Variants in ACAP2 observed in about 807,000 individuals in gnomAD.
ACAP2 encodes the protein arf-GAP with coiled-coil, ANK repeat and PH domain-containing protein 2.
A neutral mutation model predicts 115.8 loss-of-function variants in ACAP2; 39 were observed. The observed-to-expected ratio is 0.34, with a 90% CI of 0.26 to 0.44. ACAP2 has a LOEUF of 0.44. Among genes scored for constraint, ACAP2 ranks in the 20% least tolerant of loss-of-function variants. The pLI is 1.00. For missense variants in ACAP2, 662 were observed against 927.6 expected (o/e 0.71, Z 3.72); for synonymous variants, 289 against 315.8 (o/e 0.92, Z 0.90).
At chr3:195,409,403 A>G (rs984021705) in intron 1 of ACAP2, among the ~76,000 whole-genome samples, 1 of 152,176 alleles carries the variant, frequency 6.6e-6, no homozygotes, top group Non-Finnish European at 1.5e-5. Context: ...AGGCTTGTAC[A>G]ATAGAAACTA....
At chr3:195,324,510 T>G (rs1029194908) in intron 9 of ACAP2, among the ~76,000 whole-genome samples, 2 of 152,004 alleles carry the variant, frequency 1.3e-5, no homozygotes, top group Non-Finnish European at 2.9e-5. Context: ...TCCGAGCACA[T>G]TGGGAGGCCG....
At chr3:195,338,402 C>T (rs1248519121) in intron 6 of ACAP2, among the ~76,000 whole-genome samples, 2 of 152,194 alleles carry the variant, frequency 1.3e-5, no homozygotes, top group Non-Finnish European at 2.9e-5. Flanking sequence ...ATCCTCCTGC[C>T]TTAGCCCCCA....
chr3:195,365,946 A>C (rs947651490), intron 4 of ACAP2, among the ~76,000 whole-genome samples: 21 of 151,790 alleles, frequency 1.4e-4, no homozygotes, highest in African/African-American at 4.8e-4. Flanking sequence ...GGTTCAAGCA[A>C]TTCTCCTACC....
At chr3:195,289,837 T>C (rs1006606761) in intron 20 of ACAP2, among the ~76,000 whole-genome samples, 7 of 144,832 alleles carry the variant, frequency 4.8e-5, no homozygotes, top group Non-Finnish European at 7.6e-5. Context: ...CATAAAAACA[T>C]GTGCACAGGT....
chr3:195,287,825 C>A (rs542656567), intron 21 of ACAP2, among the ~76,000 whole-genome samples: 1 of 152,072 alleles, frequency 6.6e-6, no homozygotes, highest in South Asian at 2.1e-4. Flanking sequence ...CCATTTTAGC[C>A]GGGCACGGTG....
chr3:195,295,281 G>A (rs1560210723), intron 17 of ACAP2: 4 of 1,291,880 alleles, frequency 3.1e-6, no homozygotes, highest in Non-Finnish European at 3.0e-6. Context: ...GCCTGGCCTC[G>A]TCGCTATTTA....
chr3:195,310,548 T>C (rs1728698448), intron 10 of ACAP2, among the ~76,000 whole-genome samples: 1 of 152,236 alleles, frequency 6.6e-6, no homozygotes, highest in Admixed American at 6.5e-5. Flanking sequence ...ATCATTTGTT[T>C]TATATCATAG....
intron 4 of ACAP2, among the ~76,000 whole-genome samples, chr3:195,362,341 C>T (rs925434470): frequency 2.0e-5 from 3 of 151,306 alleles, no homozygotes; most frequent in African/African-American, 7.3e-5. Flanking sequence ...AAAAAATCTT[C>T]CAGCAAAGAA....
intron 4 of ACAP2, among the ~76,000 whole-genome samples, chr3:195,363,365 G>A (rs1416239165): frequency 4.6e-5 from 7 of 152,120 alleles, no homozygotes; most frequent in South Asian, 2.1e-4. Context: ...TGTCCAGGCC[G>A]GGCACGGTGG....
At chr3:195,338,002 T>TGA (rs1730626573) in intron 6 of ACAP2, among the ~76,000 whole-genome samples, 1 of 145,844 alleles carries the variant, frequency 6.9e-6, no homozygotes, top group African/African-American at 2.5e-5. Context: ...CACTGGCTGT[T>TGA]CTGTGCACAC....
intron 18 of ACAP2, among the ~76,000 whole-genome samples, chr3:195,294,407 G>A (rs1161758249): frequency 3.3e-5 from 5 of 150,318 alleles, no homozygotes; most frequent in African/African-American, 4.9e-5. Context: ...GTGAAACCTC[G>A]TCCCTACTAA....
rs746730390 is a variant in ACAP2 at position 195,336,972 on chromosome 3, T to C, written c.533A>G (p.Asn178Ser). The part of the protein sequence containing the change: ...HIALDYVLQI[N>S]VLQSKRRSEI... ...TGATCTCCTTTTTGATTGAAGAACA[T>C]TAATCTGAGGGAAAACACACGTGGT... Residue 178 changes from asparagine (N) to serine (S), a missense_variant, in exon 7 of 23, where the codon AAT (asparagine) becomes AGT (serine). By Grantham distance (46) the Asn-to-Ser change is conservative. Around this residue, in one of 3 missense-constraint regions of ACAP2, gnomAD observed 401 missense variants for 604.4 expected, o/e 0.66. Transcript: ENST00000326793. 4 of 1,610,786 alleles carry C rather than the reference T, an allele frequency of 2.5e-6. No individual in the cohort carries two copies. Among genetic ancestry groups the C allele is most frequent in the Non-Finnish European group, 3.4e-6 (4 of 1,178,350 alleles).
chr3:195,292,786 G>A (rs1390065865), intron 18 of ACAP2, among the ~76,000 whole-genome samples: 2 of 151,824 alleles, frequency 1.3e-5, no homozygotes, highest in African/African-American at 4.8e-5. Context: ...ACCAGGCATG[G>A]TAGCGGGCAC....
intron 4 of ACAP2, among the ~76,000 whole-genome samples, chr3:195,372,461 G>A (rs933560010): frequency 5.9e-5 from 9 of 152,148 alleles, no homozygotes; most frequent in Non-Finnish European, 8.8e-5. Context: ...TGGGAGTCCC[G>A]GAGACGATCA....
In ACAP2 at chr3:195,306,482, T is replaced by G. The variant is rs746839524; in HGVS notation, c.1116+29A>C. ...AAAATCAAGAATTTTGGCAATATAT[T>G]ATCTGGTATTGCTAATACCTCTACT... On this transcript the variant is annotated intron_variant, in intron 13 of 22. Transcript: ENST00000326793. The G allele has an allele frequency of 2.8e-6, 4 of 1,453,472 alleles. No homozygotes were observed. The African/African-American group carries it at 5.7e-5, about 21-fold the overall frequency. The allele number at this position is 1,453,472 out of a possible 1,614,324, so 90.0% of individuals were successfully genotyped here.
chr3:195,416,587 A>G (rs1299040484), intron 1 of ACAP2, among the ~76,000 whole-genome samples: 1 of 152,112 alleles, frequency 6.6e-6, no homozygotes, highest in Non-Finnish European at 1.5e-5. Context: ...TAGCTCTCAC[A>G]TGTGCACAAA....
intron 1 of ACAP2, among the ~76,000 whole-genome samples, chr3:195,433,198 C>T (rs1240527455): frequency 6.6e-6 from 1 of 152,148 alleles, no homozygotes; most frequent in Non-Finnish European, 1.5e-5. Context: ...ATCTTATATA[C>T]TTTAAATCAT....
intron 2 of ACAP2, among the ~76,000 whole-genome samples, chr3:195,387,029 G>C (rs1734352730): frequency 6.6e-6 from 1 of 152,080 alleles, no homozygotes; most frequent in Non-Finnish European, 1.5e-5. Context: ...ACCATCACAG[G>C]AGTTACAGAG....
chr3:195,290,510 G>T (rs1403745334), intron 20 of ACAP2, among the ~76,000 whole-genome samples: 1 of 152,060 alleles, frequency 6.6e-6, no homozygotes, highest in Non-Finnish European at 1.5e-5. Flanking sequence ...AACAAGCCAT[G>T]ATAAAAATAG....
Sources: gnomAD v4.1 joint callset for allele counts (sites outside exome capture counted in the v4.1 genomes callset) on GRCh38, gnomAD v4.1.1 for gene constraint, gnomAD v4.1.1 regional missense constraint, MANE v1.5 for transcripts, NCBI Gene and HGNC (gene_info 2026-07-23, HGNC 2026-07-21) for gene names.